Variants in INPP5B observed in about 807,000 individuals in gnomAD.
INPP5B encodes the protein inositol polyphosphate-5-phosphatase B.
A neutral mutation model predicts 118.5 loss-of-function variants in INPP5B; 90 were observed. That is an observed-to-expected ratio of 0.76 (90% confidence interval 0.64 to 0.90). The LOEUF (loss-of-function observed/expected upper bound fraction) is 0.90. Ranked by LOEUF, INPP5B falls within the 40% of genes least tolerant of loss-of-function variation. The pLI is 0.00. For missense variants in INPP5B, 984 were observed against 1,125.6 expected (o/e 0.87, Z 1.80); for synonymous variants, 385 against 418.9 (o/e 0.92, Z 0.99).
Position 37,899,482 on chromosome 1 carries a change from A to T in INPP5B, c.533-8028T>A, listed in dbSNP as rs144241637. Among the ~76,000 whole-genome samples, 227 of 151,730 alleles carry T rather than the reference A, an allele frequency of 1.5e-3. 2 individuals are homozygous for T. The highest frequency in any genetic ancestry group is 5.2e-3 in the African/African-American group (213 of 41,350). Reference sequence around the variant, plus strand: ...GAAGGTGAGGCAAGAAAATCGCTTGAACCTGGGAGGCAGAGGTTGCGGTGA... The same window carrying T: ...GAAGGTGAGGCAAGAAAATCGCTTGTACCTGGGAGGCAGAGGTTGCGGTGA... On this transcript the variant is annotated intron_variant, in intron 7 of 23. Coordinates refer to ENST00000373024, the MANE Select transcript of INPP5B (RefSeq NM_005540.3).
Position 37,888,336 on chromosome 1 carries a change from G to A in INPP5B, c.806C>T (p.Ala269Val), listed in dbSNP as rs201051953. Residue 269 changes from alanine (A) to valine (V), a missense_variant, in exon 10 of 24, where the codon GCG (alanine) becomes GTG (valine). Physicochemically the swap from Ala to Val is moderately conservative, Grantham distance 64. This residue lies in a region of INPP5B where 634 missense variants were observed against 791.0 expected (regional missense o/e 0.80). Transcript: ENST00000373024. ...CTGCCCATTTACATTGTATGTTCCCGCAAAAAACCTGTCACCAAAGAGAAA... is the reference window on the plus strand; with the variant it reads ...CTGCCCATTTACATTGTATGTTCCCACAAAAAACCTGTCACCAAAGAGAAA... ...YTYIQNFRFF[A>V]GTYNVNGQSP... 6.0e-5 allele frequency: 92 copies of A among 1,527,880 alleles called. 1 individual carries two copies. The highest frequency in any genetic ancestry group is 1.8e-4 in the Middle Eastern group (1 of 5,586). 94.6% of individuals were successfully genotyped at this position (1,527,880 alleles called of 1,614,324 possible).
At chr1:37,931,216 A>C in intron 7 of INPP5B, 2 of 339,550 alleles carry the variant, frequency 5.9e-6, no homozygotes, top group East Asian at 9.1e-5. Context: ...ACACTGCGCT[A>C]TCATCACAGG....
Position 37,889,549 on chromosome 1 carries a change from T to A in INPP5B, c.797+8A>T. On this transcript the variant is annotated splice_region_variant and intron_variant, in intron 9 of 23. Transcript: ENST00000373024. ...GCTCTGAAAACATCCTAGAACCCAG[T>A]TAGCTACCTGAAGTTCTGGATATAG... 2 of 1,607,566 alleles carry A rather than the reference T, an allele frequency of 1.2e-6. No individual in the cohort carries two copies. The highest frequency in any genetic ancestry group is 1.7e-6 in the Non-Finnish European group (2 of 1,176,380).
intron 7 of INPP5B, among the ~76,000 whole-genome samples, chr1:37,924,875 T>C (rs1277161547): frequency 6.6e-6 from 1 of 152,060 alleles, no homozygotes; most frequent in Non-Finnish European, 1.5e-5. Flanking sequence ...CTGTCTCTAC[T>C]AAAAATATAA....
intron 5 of INPP5B, among the ~76,000 whole-genome samples, chr1:37,941,592 A>G (rs79013089): frequency 1.3e-5 from 2 of 151,488 alleles, no homozygotes; most frequent in East Asian, 2.0e-4. Flanking sequence ...AGTGAGCCAT[A>G]TTTGTGCCAC....
intron 7 of INPP5B, among the ~76,000 whole-genome samples, chr1:37,924,908 T>C (rs1011909102): frequency 6.6e-6 from 1 of 152,152 alleles, no homozygotes; most frequent in African/African-American, 2.4e-5. Context: ...GCATGATGGC[T>C]CACGCCTATA....
At chr1:37,932,565 C>T (rs1645530553) in intron 6 of INPP5B, among the ~76,000 whole-genome samples, 1 of 152,048 alleles carries the variant, frequency 6.6e-6, no homozygotes, top group Admixed American at 6.6e-5. Flanking sequence ...GACGGGGTTT[C>T]ACCGTATTAG....
rs1286165037 is a variant in INPP5B, at chr1:37,864,411, G to A, written c.2527C>T (p.Leu843Phe). Residue 843 changes from leucine (L) to phenylalanine (F), a missense_variant, in exon 23 of 24, where the codon CTC becomes TTC. Around this residue, in one of 2 missense-constraint regions of INPP5B, gnomAD observed 634 missense variants for 791.0 expected, o/e 0.80. Coordinates refer to ENST00000373024, the MANE Select transcript of INPP5B (RefSeq NM_005540.3). Reference protein sequence around the residue: ...YTASKQVISTLPIFHKNVFHY... With the variant: ...YTASKQVISTFPIFHKNVFHY... ...AAGACATTTTTGTGGAATATGGGGA[G>A]AGTAGAAATGACCTGAAAGAGGAAG... The A allele has an allele frequency of 2.5e-6, 4 of 1,599,612 alleles. No individual in the cohort carries two copies. The highest frequency in any genetic ancestry group is 2.7e-5 in the African/African-American group (2 of 74,638).
intron 7 of INPP5B, among the ~76,000 whole-genome samples, chr1:37,918,744 C>T (rs539623002): frequency 2.0e-5 from 3 of 152,244 alleles, no homozygotes; most frequent in East Asian, 1.9e-4. Context: ...ACCATATTTA[C>T]GGAGACCTCA....
chr1:37,935,485 G>A (rs1402511399), intron 6 of INPP5B, among the ~76,000 whole-genome samples: 1 of 151,574 alleles, frequency 6.6e-6, no homozygotes, highest in East Asian at 2.1e-4. Context: ...GAGCCACCTT[G>A]CAGGCTGGCA....
intron 10 of INPP5B, among the ~76,000 whole-genome samples, chr1:37,887,855 A>G (rs1643628479): frequency 1.0e-5 from 1 of 98,570 alleles, no homozygotes. Flanking sequence ...TATAGAGATG[A>G]GAAGATTAAA....
chr1:37,898,713 A>G (rs1265865647), intron 7 of INPP5B, among the ~76,000 whole-genome samples: 1 of 151,844 alleles, frequency 6.6e-6, no homozygotes, highest in Non-Finnish European at 1.5e-5. Flanking sequence ...AAAAGAATGA[A>G]CCTTAATGTA....
intron 14 of INPP5B, among the ~76,000 whole-genome samples, chr1:37,882,579 A>C (rs1362860706): frequency 3.3e-5 from 5 of 152,192 alleles, no homozygotes; most frequent in Non-Finnish European, 2.9e-5. Flanking sequence ...GAGAGAGAAC[A>C]TGCTCTTGCT....
chr1:37,885,431 G>A, intron 13 of INPP5B: 3 of 465,516 alleles, frequency 6.4e-6, no homozygotes, highest in Non-Finnish European at 1.1e-5. Context: ...AAAAAAGTAA[G>A]AAAAGAGAAA....
rs372770102 is a variant in INPP5B at position 37,885,613 on chromosome 1, G to T, written c.1319+25C>A. 32 of 1,607,072 alleles carry T rather than the reference G, an allele frequency of 2.0e-5. No homozygotes were observed. The Admixed American group carries it at 5.0e-4, about 25-fold the overall frequency. Reference sequence around the variant, plus strand: ...CAACTCTATGTACTCATGGTGAACCGCATGGGGTGGAAGCCCAGACTCACT... The same window carrying T: ...CAACTCTATGTACTCATGGTGAACCTCATGGGGTGGAAGCCCAGACTCACT... On this transcript the variant is annotated intron_variant, in intron 13 of 23. Transcript: ENST00000373024.
chr1:37,929,134 T>G (rs1645352297), intron 7 of INPP5B: 1 of 152,114 alleles, frequency 6.6e-6, no homozygotes, highest in Non-Finnish European at 1.5e-5. Flanking sequence ...ATTTTTTTTT[T>G]TTTGAGATGG....
chr1:37,894,696 G>C lies in INPP5B; in HGVS notation c.533-3242C>G, dbSNP rs201207602. Among the ~76,000 whole-genome samples the C allele has an allele frequency of 4.6e-5, 7 of 151,802 alleles. No homozygotes were observed. In the East Asian group the frequency reaches 1.3e-3, roughly 29 times the overall value. On this transcript the variant is annotated intron_variant, in intron 7 of 23. Coordinates refer to ENST00000373024, the MANE Select transcript of INPP5B (RefSeq NM_005540.3). ...CCTGCCTCAGCCTCCCGAGTAGCTG[G>C]GATTAGAGACACGCAACACCACACT... is the stretch of plus-strand genomic sequence containing the variant.
At chr1:37,914,066 T>C (rs920174474) in intron 7 of INPP5B, among the ~76,000 whole-genome samples, 2 of 152,162 alleles carry the variant, frequency 1.3e-5, no homozygotes, top group Non-Finnish European at 2.9e-5. Flanking sequence ...CTGCCACCCT[T>C]TGCTGACTCC....
chr1:37,882,782 A>G lies in INPP5B; in HGVS notation c.1431+25T>C, dbSNP rs376896246. ...CTCATGGTGGAGGACAGCTGCTGGA[A>G]GAGGGCACAGGTGGCCATCTGTACC... On this transcript the variant is annotated intron_variant, in intron 14 of 23. Coordinates refer to ENST00000373024, the MANE Select transcript of INPP5B (RefSeq NM_005540.3). 1.7e-5 allele frequency: 26 copies of G among 1,555,656 alleles called. No individual in the cohort carries two copies. In the African/African-American group the frequency reaches 2.2e-4, roughly 13 times the overall value.
Sources: allele counts gnomAD v4.1 joint callset (sites outside exome capture counted in the v4.1 genomes callset), GRCh38; gene constraint gnomAD v4.1.1; regional missense constraint gnomAD v4.1.1; transcripts MANE v1.5; gene names NCBI Gene and HGNC (gene_info 2026-07-23, HGNC 2026-07-21).